The following TRMT44 variants were observed in gnomAD, a reference collection of about 807,000 sequenced individuals.
TRMT44 encodes tRNA methyltransferase 44 homolog.
Under a neutral mutation model 77.3 loss-of-function variants are expected in TRMT44, and 78 were observed. The ratio of observed to expected loss-of-function variants is 1.01; its 90% CI spans 0.84 to 1.22. TRMT44 has a LOEUF of 1.22. TRMT44 is among the 50% of genes most tolerant of loss of function. The probability of loss-of-function intolerance (pLI) is 0.00; values close to 1 mark genes in which losing one functional copy is unlikely to be tolerated. For missense variants in TRMT44, 1,090 were observed against 964.4 expected (o/e 1.13, Z -1.73); for synonymous variants, 391 against 383.3 (o/e 1.02, Z -0.23).
At chr4:8,478,782 T>C (rs1727513868), downstream of TRMT44, 1 of 152,254 alleles carries the variant, frequency 6.6e-6, no homozygotes, top group South Asian at 2.1e-4. Context: ...CTTTTCAGAC[T>C]AGTGCCACGC....
intron 10 of TRMT44, among the ~76,000 whole-genome samples, chr4:8,472,286 G>T (rs1228488772): frequency 6.6e-6 from 1 of 152,136 alleles, no homozygotes; most frequent in East Asian, 1.9e-4. Flanking sequence ...TTTAGGCAGA[G>T]CGAACAGCAT....
chr4:8,475,918 C>T lies in TRMT44; in HGVS notation c.2191C>T (p.Leu731=). Residue 731 remains leucine (L), a synonymous_variant, in exon 11 of 11, where the codon CTG becomes TTG. Transcript: ENST00000389737. ...FFMHHPDGCA[L]STDCCPFAHG... ...CATGCATCACCCTGATGGCTGCGCT[C>T]TGTCCACGGACTGCTGCCCGTTTGC... 6.2e-7 allele frequency: 1 copy of T among 1,614,228 alleles called. No individual in the cohort carries two copies. The highest frequency in any genetic ancestry group is 8.5e-7 in the Non-Finnish European group (1 of 1,180,054).
At chr4:8,490,180 C>T (rs368013378) in intron 2 of TRMT44, among the ~76,000 whole-genome samples, 15 of 152,016 alleles carry the variant, frequency 9.9e-5, no homozygotes, top group African/African-American at 2.7e-4. Context: ...ACGCCTTCCC[C>T]GAAACTGCCT....
chr4:8,452,195 G>A lies in TRMT44; in HGVS notation c.1023+167G>A, dbSNP rs1269703366. Reference sequence around the variant, plus strand: ...TGGTTTGACTTCATGTGGTCCTTTTGATGCGTATACAACAAGTTTGGGTTG... The same window carrying A: ...TGGTTTGACTTCATGTGGTCCTTTTAATGCGTATACAACAAGTTTGGGTTG... On this transcript the variant is annotated intron_variant, in intron 4 of 10. Coordinates refer to ENST00000389737, the MANE Select transcript of TRMT44 (RefSeq NM_152544.3). This position sits in a 1 kb window ranked among gnomAD's most constrained non-coding sequence, Gnocchi z 5.7. Among the ~76,000 whole-genome samples the A allele has an allele frequency of 6.6e-6, 1 of 152,284 alleles. No individual in the cohort carries two copies. Among genetic ancestry groups the A allele is most frequent in the East Asian group, 1.9e-4 (1 of 5,186 alleles).
chr4:8,502,100 C>T, the TRMT44 span, among the ~76,000 whole-genome samples: 4 of 152,226 alleles, frequency 2.6e-5, no homozygotes, highest in East Asian at 1.9e-4. Flanking sequence ...TGAGTCATAA[C>T]GTGACATTCT....
rs777268692 is a variant in TRMT44 at position 8,475,992 on chromosome 4, G to T, written c.2265G>T (p.Lys755Asn). 12 of 1,613,776 alleles carry T rather than the reference G, an allele frequency of 7.4e-6. No homozygotes were observed. The South Asian group carries it at 1.2e-4, about 16-fold the overall frequency. ...LRPPRTTPRK[K>N]IS ...CACCCCGGACCACCCCGAGGAAGAA[G>T]ATTTCATGAGCTGCATCCTTGCCAG... Residue 755 changes from lysine to asparagine, a missense_variant, in exon 11 of 11, where the codon AAG becomes AAT. Coordinates refer to ENST00000389737, the MANE Select transcript of TRMT44 (RefSeq NM_152544.3).
chr4:8,503,690 G>T, the TRMT44 span, among the ~76,000 whole-genome samples: 5 of 152,208 alleles, frequency 3.3e-5, no homozygotes, highest in African/African-American at 1.2e-4. Flanking sequence ...TGGTCACAGG[G>T]CTTCTCTTGG....
At position 8,452,098 on chromosome 4, in the gene TRMT44, T is replaced by C; in HGVS notation, c.1023+70T>C. On this transcript the variant is annotated intron_variant, in intron 4 of 10. Coordinates refer to ENST00000389737, the MANE Select transcript of TRMT44 (RefSeq NM_152544.3). This position sits in a 1 kb window ranked among gnomAD's most constrained non-coding sequence, Gnocchi z 5.7. ...TGCTACAGGCAGATGTTCCCTGTAG[T>C]GAAGGACATTTTCCAAATCCATAAC... 1.5e-6 allele frequency: 2 copies of C among 1,356,166 alleles called. No homozygotes were observed. Among genetic ancestry groups the C allele is most frequent in the Admixed American group, 4.0e-5 (2 of 50,266 alleles). 84.0% of individuals were successfully genotyped at this position (1,356,166 alleles called of 1,614,324 possible). A position where few individuals can be genotyped will look rare whatever the true frequency, so the allele number is the denominator to read the frequency against.
downstream of TRMT44, among the ~76,000 whole-genome samples, chr4:8,481,494 C>T (rs182643396): frequency 5.1e-4 from 77 of 152,280 alleles, no homozygotes; most frequent in East Asian, 3.9e-4. Flanking sequence ...CTCTCTTCGT[C>T]GACAACCTGA....
At chr4:8,465,339 C>T in intron 7 of TRMT44, 39 bp from the exon 8 acceptor site, 1 of 1,574,140 alleles carries the variant, frequency 6.4e-7, no homozygotes, top group Non-Finnish European at 8.6e-7. Context: ...TGCGTCTGCT[C>T]AGGATGCTTG....
At chr4:8,471,426 T>C (rs567216015) in intron 10 of TRMT44, among the ~76,000 whole-genome samples, 2 of 152,272 alleles carry the variant, frequency 1.3e-5, no homozygotes, top group South Asian at 4.1e-4. Context: ...CCATGCGATG[T>C]CCCCAGGCTG....
chr4:8,505,208 G>A, the TRMT44 span, among the ~76,000 whole-genome samples: 8 of 152,206 alleles, frequency 5.3e-5, no homozygotes, highest in African/African-American at 9.6e-5. Flanking sequence ...GCTTCTGTCC[G>A]GGTGCTGCTC....
intron 9 of TRMT44, among the ~76,000 whole-genome samples, chr4:8,469,050 C>T (rs1726799804): frequency 6.6e-6 from 1 of 152,208 alleles, no homozygotes; most frequent in Admixed American, 6.5e-5. Context: ...TTCTGCCTGG[C>T]TGCGCATTTG....
chr4:8,499,180 G>A, the TRMT44 span, among the ~76,000 whole-genome samples: 1 of 152,078 alleles, frequency 6.6e-6, no homozygotes. Flanking sequence ...ATGTGGCTCT[G>A]GGTTCTAGGG....
At chr4:8,465,296 T>C in intron 7 of TRMT44, 82 bp from the exon 8 acceptor site, 1 of 1,386,252 alleles carries the variant, frequency 7.2e-7, no homozygotes, top group Non-Finnish European at 9.9e-7. Context: ...TGATATGCGA[T>C]TGCCGTGTGG....
chr4:8,448,938 G>A (rs557007234), intron 2 of TRMT44, among the ~76,000 whole-genome samples: 2 of 152,316 alleles, frequency 1.3e-5, no homozygotes, highest in South Asian at 2.1e-4. Flanking sequence ...CACTTTTATC[G>A]TAGCTTTCTC....
In TRMT44 at chr4:8,449,852, C is replaced by T. The variant is rs1002106340; in HGVS notation, c.918C>T (p.Tyr306=). Residue 306 remains tyrosine, a synonymous_variant, in exon 3 of 11, where the codon TAC becomes TAT. Transcript: ENST00000389737. Reference sequence around the variant, plus strand: ...CCATTATGAAGTATAGCAAGGCTTACCAGGAACTTAAAGAGAAGTATAAGG... The same window carrying T: ...CCATTATGAAGTATAGCAAGGCTTATCAGGAACTTAAAGAGAAGTATAAGG... The part of the protein sequence containing the change: ...LISIMKYSKA[Y]QELKEKYKEM... The T allele has an allele frequency of 2.6e-6, 4 of 1,533,106 alleles. No individual in the cohort carries two copies. The highest frequency in any genetic ancestry group is 2.6e-6 in the Non-Finnish European group (3 of 1,145,464). The allele number at this position is 1,533,106 out of a possible 1,614,324, so 95.0% of individuals were successfully genotyped here. A position where few individuals can be genotyped will look rare whatever the true frequency, so the allele number is the denominator to read the frequency against.
At chr4:8,491,085 A>G (rs568383276) in intron 2 of TRMT44, among the ~76,000 whole-genome samples, 29 of 151,918 alleles carry the variant, frequency 1.9e-4, no homozygotes, top group Admixed American at 2.0e-4. Context: ...TGTATTTACA[A>G]TCCCTGAGCT....
At chr4:8,516,004 G>C in the TRMT44 span, among the ~76,000 whole-genome samples, 1 of 152,196 alleles carries the variant, frequency 6.6e-6, no homozygotes, top group African/African-American at 2.4e-5. Context: ...TGAGATGGTT[G>C]TCCGTGGTCT....
Sources: gnomAD v4.1 joint callset for allele counts (sites outside exome capture counted in the v4.1 genomes callset) on GRCh38, gnomAD v4.1.1 for gene constraint, Gnocchi (gnomAD v3.1) non-coding constraint, MANE v1.5 for transcripts, NCBI Gene and HGNC (gene_info 2026-07-23, HGNC 2026-07-21) for gene names.